DISP1: variants seen among roughly 807,000 people sequenced by gnomAD.
DISP1 encodes the protein dispatched RND transporter family member 1, also known as protein dispatched homolog 1.
DISP1 carries 30 observed loss-of-function variants against 37.3 expected under a neutral mutation model. The ratio of observed to expected loss-of-function variants is 0.80; its 90% CI spans 0.60 to 1.09. The LOEUF is 1.09. DISP1 is among the 50% of genes least tolerant of loss of function. DISP1 has a pLI of 0.00. For missense variants in DISP1, 1,598 were observed against 1,879.5 expected, an observed-to-expected ratio of 0.85 and a Z score of 2.77; for synonymous variants, 634 against 690.2, an observed-to-expected ratio of 0.92 and a Z score of 1.28.
intron 1 of DISP1, among the ~76,000 whole-genome samples, chr1:222,866,951 T>G (rs895658783): frequency 7.9e-5 from 12 of 152,180 alleles, no homozygotes; most frequent in African/African-American, 2.9e-4. Context: ...CTAGTTTAGA[T>G]TAGAAAATCA....
intron 3 of DISP1, among the ~76,000 whole-genome samples, chr1:222,949,568 C>T (rs1177205375): frequency 6.6e-6 from 1 of 152,070 alleles, no homozygotes; most frequent in East Asian, 1.9e-4. Context: ...ATACATTATT[C>T]AGCCCTTAAT....
intron 1 of DISP1, among the ~76,000 whole-genome samples, chr1:222,864,084 T>A (rs574690015): frequency 6.6e-6 from 1 of 152,304 alleles, no homozygotes; most frequent in East Asian, 1.9e-4. Flanking sequence ...CAGAAATGTA[T>A]GTATATGTAA....
chr1:222,930,280 A>T (rs1258813811), intron 2 of DISP1, among the ~76,000 whole-genome samples: 3 of 152,112 alleles, frequency 2.0e-5, no homozygotes, highest in Admixed American at 6.5e-5. Flanking sequence ...GACAGCCTTG[A>T]CATACAGATG....
intron 4 of DISP1, among the ~76,000 whole-genome samples, chr1:222,984,695 A>C (rs945803076): frequency 3.3e-5 from 5 of 151,986 alleles, no homozygotes; most frequent in African/African-American, 9.7e-5. Flanking sequence ...CATTATGTAC[A>C]TTCACATTGT....
intron 7 of DISP1, among the ~76,000 whole-genome samples, 199 bp from the exon 8 acceptor site, chr1:222,994,686 C>T (rs1305539435): frequency 6.6e-6 from 1 of 151,858 alleles, no homozygotes; most frequent in Non-Finnish European, 1.5e-5. Context: ...AAAGGCTTTG[C>T]GCTAAGACAA....
Position 222,893,944 on chromosome 1 carries a change from G to C in DISP1, c.-158-34486G>C, listed in dbSNP as rs1305804344. ...GAGCAAGGTGGAGAGGAGCTTCATT[G>C]AGTGGCAGAACAGTTCTCAGGAGAC... On this transcript the variant is annotated intron_variant, in intron 1 of 8. Transcript: ENST00000675850. This position sits in a 1 kb window ranked among gnomAD's most constrained non-coding sequence, Gnocchi z 4.3. Among the ~76,000 whole-genome samples the C allele has an allele frequency of 6.6e-6, 1 of 152,180 alleles. No homozygotes were observed. Among genetic ancestry groups the C allele is most frequent in the African/African-American group, 2.4e-5 (1 of 41,452 alleles).
intron 3 of DISP1, among the ~76,000 whole-genome samples, chr1:222,954,255 T>C (rs973251516): frequency 6.6e-6 from 1 of 152,214 alleles, no homozygotes; most frequent in Non-Finnish European, 1.5e-5. Context: ...AAAGAATTTA[T>C]AGAACTTAAC....
intron 2 of DISP1, among the ~76,000 whole-genome samples, chr1:222,932,534 C>A (rs373880261): frequency 6.6e-6 from 1 of 151,798 alleles, no homozygotes; most frequent in Admixed American, 6.6e-5. Context: ...TGTTTGACAT[C>A]CCTGATTATA....
Position 222,852,210 on chromosome 1 carries a change from G to A in DISP1, c.-159+37132G>A, listed in dbSNP as rs1320915679. On this transcript the variant is annotated intron_variant, in intron 1 of 8. Coordinates refer to ENST00000675850, the MANE Select transcript of DISP1 (RefSeq NM_001377229.1). ...AAATAAATAAATAAATAAATTTACT[G>A]AAAAAAAATTCCAAATTGACAGCAT... Among the ~76,000 whole-genome samples the A allele has an allele frequency of 3.3e-4, 48 of 147,236 alleles. No individual in the cohort carries two copies. The Admixed American group carries it at 3.3e-3, about 10-fold the overall frequency.
chr1:223,003,728 T>A lies in DISP1; in HGVS notation c.2331T>A (p.Val777=). The change falls in exon 9 of 9, where the codon GTT becomes GTA. Residue 777 remains valine (V), a synonymous_variant. Coordinates refer to ENST00000675850, the MANE Select transcript of DISP1 (RefSeq NM_001377229.1). The surrounding 1 kb of genome is among the most constrained non-coding windows in gnomAD (Gnocchi z 4.3). ...AAAAGCTTTTCATGTTTGAACGTGT[T>A]CACCATGGCGAGGAGCTCCACATGC... The part of the protein sequence containing the change: ...EYKKLFMFER[V]HHGEELHMPI... The A allele has an allele frequency of 6.2e-7, 1 of 1,614,162 alleles. No individual in the cohort carries two copies. The highest frequency in any genetic ancestry group is 1.3e-5 in the African/African-American group (1 of 75,026).
At chr1:222,840,750 G>A (rs1045647689) in intron 1 of DISP1, among the ~76,000 whole-genome samples, 5 of 151,766 alleles carry the variant, frequency 3.3e-5, no homozygotes, top group African/African-American at 1.2e-4. Context: ...TTTTAGTAGA[G>A]ATGGGGTTTC....
chr1:222,852,496 C>T (rs775824792), intron 1 of DISP1, among the ~76,000 whole-genome samples: 14 of 151,960 alleles, frequency 9.2e-5, no homozygotes, highest in Non-Finnish European at 1.9e-4. Flanking sequence ...CATGAGCCAC[C>T]GTGCCCGGCA....
At chr1:222,997,931 T>C (rs1339843944) in intron 8 of DISP1, among the ~76,000 whole-genome samples, 2 of 152,118 alleles carry the variant, frequency 1.3e-5, no homozygotes, top group Non-Finnish European at 2.9e-5. Context: ...AAATAGGTGA[T>C]CAAAGCCCCA....
chr1:222,927,839 T>C (rs1020530250), intron 1 of DISP1, among the ~76,000 whole-genome samples: 1 of 152,240 alleles, frequency 6.6e-6, no homozygotes, highest in East Asian at 1.9e-4. Context: ...GTCAAATTTA[T>C]TTAACAAACT....
chr1:222,894,614 G>A (rs1304506112), intron 1 of DISP1, among the ~76,000 whole-genome samples: 1 of 152,164 alleles, frequency 6.6e-6, no homozygotes, highest in Non-Finnish European at 1.5e-5. Context: ...GGGGCTTCTC[G>A]GGCCCCCAAG....
At chr1:222,949,577 A>G (rs1336590544) in intron 3 of DISP1, among the ~76,000 whole-genome samples, 1 of 152,116 alleles carries the variant, frequency 6.6e-6, no homozygotes, top group African/African-American at 2.4e-5. Flanking sequence ...TCAGCCCTTA[A>G]TTAACATGTC....
intron 1 of DISP1, among the ~76,000 whole-genome samples, chr1:222,852,983 T>A (rs533749086): frequency 6.6e-6 from 1 of 152,350 alleles, no homozygotes; most frequent in African/African-American, 2.4e-5. Flanking sequence ...TGTATTCATA[T>A]ACAAATAGTA....
At chr1:222,936,592 G>GAT (rs1265745065) in intron 2 of DISP1, among the ~76,000 whole-genome samples, 4 of 49,938 alleles carry the variant, frequency 8.0e-5, no homozygotes, top group Non-Finnish European at 1.0e-4. Context: ...ATATATGAGA[G>GAT]ATATATATCT....
At chr1:222,907,248 C>T (rs543372664) in intron 1 of DISP1, among the ~76,000 whole-genome samples, 14 of 152,276 alleles carry the variant, frequency 9.2e-5, no homozygotes, top group African/African-American at 2.6e-4. Flanking sequence ...CATTGTTAAA[C>T]TCAGTTCGCT....
Sources: gnomAD v4.1 joint callset for allele counts (sites outside exome capture counted in the v4.1 genomes callset) on GRCh38, gnomAD v4.1.1 for gene constraint, Gnocchi (gnomAD v3.1) non-coding constraint, MANE v1.5 for transcripts, NCBI Gene and HGNC (gene_info 2026-07-23, HGNC 2026-07-21) for gene names.